EXTL3: variants seen among roughly 807,000 people sequenced by gnomAD.
EXTL3 encodes exostosin-like 3.
In EXTL3, 27 loss-of-function variants were observed where a neutral mutation model predicts 69.3. That is an observed-to-expected ratio of 0.39 (90% CI 0.29 to 0.54). The LOEUF (loss-of-function observed/expected upper bound fraction) is 0.54, where lower values mean the gene tolerates loss of function less well. Among genes scored for constraint, EXTL3 ranks in the 20% least tolerant of loss-of-function variants. EXTL3 has a pLI of 0.69. For missense variants in EXTL3, 1,003 were observed against 1,231.8 expected (o/e 0.81, Z 2.78); for synonymous variants, 511 against 499.4 (o/e 1.02, Z -0.31).
At chr8:28,638,414 A>G (rs1021112874) in intron 1 of EXTL3, among the ~76,000 whole-genome samples, 9 of 152,312 alleles carry the variant, frequency 5.9e-5, no homozygotes, top group South Asian at 4.1e-4. Context: ...TATCTGGCCC[A>G]GAGACATAAA....
At chr8:28,681,661 C>A (rs1387334042) in intron 1 of EXTL3, among the ~76,000 whole-genome samples, 1 of 152,178 alleles carries the variant, frequency 6.6e-6, no homozygotes, top group Non-Finnish European at 1.5e-5. Flanking sequence ...GTAAATACTA[C>A]AGACGTGCGA....
chr8:28,725,390 G>T (rs1801392118), intron 3 of EXTL3, among the ~76,000 whole-genome samples: 1 of 152,126 alleles, frequency 6.6e-6, no homozygotes. Flanking sequence ...TGGCTTGATG[G>T]AGGTGGATGG....
intron 1 of EXTL3, among the ~76,000 whole-genome samples, chr8:28,630,210 A>G (rs943539746): frequency 3.9e-5 from 6 of 151,950 alleles, no homozygotes; most frequent in African/African-American, 1.5e-4. Flanking sequence ...GTCTCATGAG[A>G]TCTGATCGTT....
At chr8:28,683,197 GTTC>G (rs1807521177) in intron 1 of EXTL3, among the ~76,000 whole-genome samples, 1 of 152,056 alleles carries the variant, frequency 6.6e-6, no homozygotes, top group African/African-American at 2.4e-5. Flanking sequence ...GTCGTGATGT[GTTC>G]TTTTCATTCA....
chr8:28,652,039 C>CTGTGTGTGTGTG (rs34231513), intron 1 of EXTL3, among the ~76,000 whole-genome samples: 1 of 145,122 alleles, frequency 6.9e-6, no homozygotes, highest in African/African-American at 2.7e-5. Flanking sequence ...GTGTGTGTGT[C>CTGTGTGTGTGTG]TGTGTGTGTG....
At chr8:28,668,935 C>G (rs1192977995) in intron 1 of EXTL3, among the ~76,000 whole-genome samples, 1 of 134,586 alleles carries the variant, frequency 7.4e-6, no homozygotes, top group Non-Finnish European at 1.5e-5. Context: ...ATGATCTCAG[C>G]TCACTGCAAC....
intron 1 of EXTL3, among the ~76,000 whole-genome samples, chr8:28,691,985 AAAGT>A (rs1367269256): frequency 1.3e-5 from 2 of 152,204 alleles, no homozygotes; most frequent in East Asian, 1.9e-4. Flanking sequence ...AATGTACACG[AAAGT>A]AAGACAAGGC....
chr8:28,707,845 G>A (rs1019332434), intron 1 of EXTL3, among the ~76,000 whole-genome samples: 1 of 152,176 alleles, frequency 6.6e-6, no homozygotes, highest in African/African-American at 2.4e-5. Flanking sequence ...GCGAACTGGT[G>A]GGAAGGGAAG....
upstream of EXTL3, chr8:28,696,723 T>C (rs240937): frequency 0.66 from 99,633 of 152,038 alleles, 33,071 homozygotes; most frequent in African/African-American, 0.77. Context: ...TGACAACTGG[T>C]TAATTTTTGT....
chr8:28,753,551 G>A lies in EXTL3; in HGVS notation c.*2685G>A, dbSNP rs1277862620. On this transcript the variant is annotated 3_prime_UTR_variant, in exon 7 of 7. Coordinates refer to ENST00000220562, the MANE Select transcript of EXTL3 (RefSeq NM_001440.4). ...TTCTGGGAGCTGCGCCGGACAGAGTGGGGAGCTCCTAGTTTGTGGGGGGAA... is the reference window on the plus strand; with the variant it reads ...TTCTGGGAGCTGCGCCGGACAGAGTAGGGAGCTCCTAGTTTGTGGGGGGAA... 6.5e-6 allele frequency: 1 copy of A among 152,832 alleles called. No individual in the cohort carries two copies. The highest frequency in any genetic ancestry group is 1.5e-5 in the Non-Finnish European group (1 of 68,228). The allele number at this position is 152,832 out of a possible 1,614,324, so 9.5% of individuals were successfully genotyped here.
At position 28,701,993 on chromosome 8, in the gene EXTL3, T is replaced by C. The variant is rs895079181; in HGVS notation, c.-570+334T>C. ...GGGCTGCTCGGGACCCGCCTCCACCTTTTTTTGGACGCTCGGCTGCAGCTG... is the reference window on the plus strand; with the variant it reads ...GGGCTGCTCGGGACCCGCCTCCACCCTTTTTTGGACGCTCGGCTGCAGCTG... On this transcript the variant is annotated intron_variant, in intron 1 of 6. Coordinates refer to ENST00000220562, the MANE Select transcript of EXTL3 (RefSeq NM_001440.4). Among the ~76,000 whole-genome samples the C allele has an allele frequency of 8.7e-5, 13 of 150,186 alleles. No individual in the cohort carries two copies. In the East Asian group the frequency reaches 2.6e-3, roughly 29 times the overall value.
chr8:28,656,148 C>T (rs240913), intron 1 of EXTL3, among the ~76,000 whole-genome samples: 31,062 of 151,438 alleles, frequency 0.21, 3,902 homozygotes, highest in Non-Finnish European at 0.28. Flanking sequence ...ATTTATTATC[C>T]GTGAGCAATC....
chr8:28,643,418 C>CTTTTTTCCTT (rs1806775519), intron 1 of EXTL3, among the ~76,000 whole-genome samples: 1 of 100,258 alleles, frequency 1.0e-5, no homozygotes, highest in African/African-American at 4.6e-5. Flanking sequence ...CTTTTTTTTT[C>CTTTTTTCCTT]TTTTTTTCTT....
At position 28,717,485 on chromosome 8, in the gene EXTL3, C is replaced by G; in HGVS notation, c.1426C>G (p.Leu476Val). ...EQVQLPYQDM[L>V]QWNEAALVVP... Reference sequence around the variant, plus strand: ...GGTCCAGCTTCCCTACCAGGACATGCTGCAGTGGAACGAGGCGGCCCTGGT... The same window carrying G: ...GGTCCAGCTTCCCTACCAGGACATGGTGCAGTGGAACGAGGCGGCCCTGGT... The change falls in exon 3 of 7, where the codon CTG becomes GTG. Residue 476 changes from leucine to valine, a missense_variant. Physicochemically the swap from Leu to Val is conservative, Grantham distance 32. This residue lies in a region of EXTL3 where 742 missense variants were observed against 815.4 expected (regional missense o/e 0.91). Coordinates refer to ENST00000220562, the MANE Select transcript of EXTL3 (RefSeq NM_001440.4). The surrounding 1 kb of genome is among the most constrained non-coding windows in gnomAD (Gnocchi z 8.3). 1 of 1,614,232 alleles carries G rather than the reference C, an allele frequency of 6.2e-7. No individual in the cohort carries two copies. Among genetic ancestry groups the G allele is most frequent in the Non-Finnish European group, 8.5e-7 (1 of 1,180,030 alleles).
At chr8:28,688,967 C>T (rs1800569080) in intron 1 of EXTL3, among the ~76,000 whole-genome samples, 1 of 152,208 alleles carries the variant, frequency 6.6e-6, no homozygotes, top group African/African-American at 2.4e-5. Flanking sequence ...GTAACATTGG[C>T]TTAAGTCCCC....
upstream of EXTL3, among the ~76,000 whole-genome samples, chr8:28,619,305 A>C (rs968290488): frequency 6.7e-4 from 71 of 106,128 alleles, 1 homozygote; most frequent in South Asian, 0.019. Flanking sequence ...AAAAAAAAAA[A>C]AAAAAAAAAA....
chr8:28,668,950 G>A (rs781709935), intron 1 of EXTL3, among the ~76,000 whole-genome samples: 11 of 137,868 alleles, frequency 8.0e-5, no homozygotes, highest in South Asian at 2.3e-4. Flanking sequence ...TGCAACCTCC[G>A]TCTCCTGGGT....
intron 1 of EXTL3, chr8:28,678,061 G>A (rs1178726724): frequency 1.3e-5 from 2 of 152,292 alleles, no homozygotes; most frequent in African/African-American, 4.8e-5. Flanking sequence ...CTTTCTCCAT[G>A]AATTGAACTT....
intron 1 of EXTL3, among the ~76,000 whole-genome samples, chr8:28,687,215 C>T (rs546852136): frequency 1.9e-4 from 29 of 152,322 alleles, no homozygotes; most frequent in Non-Finnish European, 3.8e-4. Context: ...CCTGTAATCC[C>T]AGCACTTTGG....
Sources: gnomAD v4.1 joint callset for allele counts (sites outside exome capture counted in the v4.1 genomes callset) on GRCh38, gnomAD v4.1.1 for gene constraint, gnomAD v4.1.1 regional missense constraint, Gnocchi (gnomAD v3.1) non-coding constraint, MANE v1.5 for transcripts, NCBI Gene and HGNC (gene_info 2026-07-23, HGNC 2026-07-21) for gene names.